The following ZMAT4 variants were observed in gnomAD, a reference collection of about 807,000 sequenced individuals.
The protein encoded by ZMAT4 is zinc finger matrin-type 4.
In ZMAT4, 17 loss-of-function variants were observed where a neutral mutation model predicts 28.7. That is an observed-to-expected ratio of 0.59 (90% CI 0.41 to 0.89). The LOEUF (loss-of-function observed/expected upper bound fraction) is 0.89, where lower values mean the gene tolerates loss of function less well. Ranked by LOEUF, ZMAT4 falls within the 40% of genes least tolerant of loss-of-function variation. The pLI is 0.00. For synonymous variants in ZMAT4, 117 were observed against 109.2 expected (o/e 1.07, Z -0.44); for missense variants, 240 against 283.8 (o/e 0.85, Z 1.11).
intron 1 of ZMAT4, among the ~76,000 whole-genome samples, chr8:40,834,000 C>T (rs1273825516): frequency 1.3e-5 from 2 of 152,236 alleles, no homozygotes; most frequent in Non-Finnish European, 2.9e-5. Flanking sequence ...ACTGCCTTCT[C>T]CTGCCTGGCG....
chr8:40,672,711 A>G (rs368824172), intron 5 of ZMAT4, among the ~76,000 whole-genome samples: 53 of 152,268 alleles, frequency 3.5e-4, no homozygotes, highest in Admixed American at 1.6e-3. Context: ...ATAAAGTCCT[A>G]TTTTTCTCCT....
At chr8:40,832,118 C>T (rs1450810288) in intron 1 of ZMAT4, among the ~76,000 whole-genome samples, 1 of 152,170 alleles carries the variant, frequency 6.6e-6, no homozygotes, top group Non-Finnish European at 1.5e-5. Flanking sequence ...GTCCTCAGCA[C>T]TGGGCATGCC....
At chr8:40,688,502 G>T (rs555962785) in intron 4 of ZMAT4, among the ~76,000 whole-genome samples, 2 of 152,014 alleles carry the variant, frequency 1.3e-5, no homozygotes, top group African/African-American at 2.4e-5. Flanking sequence ...AATAAACTTT[G>T]TTGGGCCCCT....
intron 2 of ZMAT4, among the ~76,000 whole-genome samples, chr8:40,774,267 AC>A (rs1813500235): frequency 6.6e-6 from 1 of 152,212 alleles, no homozygotes; most frequent in Non-Finnish European, 1.5e-5. Flanking sequence ...TAAAAGACTT[AC>A]AAAAAGAAAT....
chr8:40,871,615 G>C (rs747014618), intron 1 of ZMAT4, among the ~76,000 whole-genome samples: 1 of 152,196 alleles, frequency 6.6e-6, no homozygotes, highest in Admixed American at 6.5e-5. Context: ...TCCCAACCAG[G>C]ACATGGAGCA....
chr8:40,890,782 C>T (rs1818640568), intron 1 of ZMAT4, among the ~76,000 whole-genome samples: 1 of 152,126 alleles, frequency 6.6e-6, no homozygotes, highest in Non-Finnish European at 1.5e-5. Context: ...GCAGATTCAG[C>T]AACATCCACA....
In ZMAT4 at chr8:40,531,380, A is replaced by T. The variant is rs916281933; in HGVS notation, c.*843T>A. 6.7e-6 allele frequency: 1 copy of T among 148,760 alleles called. No individual in the cohort carries two copies. The highest frequency in any genetic ancestry group is 1.5e-5 in the Non-Finnish European group (1 of 66,230). The allele number at this position is 148,760 out of a possible 1,614,324, so 9.2% of individuals were successfully genotyped here. A position where few individuals can be genotyped will look rare whatever the true frequency, so the allele number is the denominator to read the frequency against. On this transcript the variant is annotated 3_prime_UTR_variant, in exon 7 of 7. Coordinates refer to ENST00000297737, the MANE Select transcript of ZMAT4 (RefSeq NM_024645.3). The stretch of plus-strand genomic sequence containing the variant: ...ATCCCCCAATTAAAGCCCACAGTTC[A>T]GGCCAAACATCATAAAAAAAAATAC...
intron 3 of ZMAT4, among the ~76,000 whole-genome samples, chr8:40,725,301 C>G (rs1360437484): frequency 1.3e-5 from 2 of 152,136 alleles, no homozygotes; most frequent in Non-Finnish European, 2.9e-5. Context: ...CTCCTCCATT[C>G]CCCAAAAGGC....
chr8:40,532,303 T>C, intron 6 of ZMAT4, 65 bp from the exon 7 acceptor site: 2 of 1,458,852 alleles, frequency 1.4e-6, no homozygotes, highest in Non-Finnish European at 1.9e-6. Context: ...CACCTCTTTC[T>C]CCCCCCCACC....
intron 5 of ZMAT4, among the ~76,000 whole-genome samples, chr8:40,586,518 G>C (rs1215354076): frequency 6.6e-6 from 1 of 152,180 alleles, no homozygotes; most frequent in East Asian, 1.9e-4. Flanking sequence ...ACAGGAGCTA[G>C]AGGAGAGGAG....
chr8:40,661,290 G>T (rs1808183209), intron 5 of ZMAT4, among the ~76,000 whole-genome samples: 1 of 152,158 alleles, frequency 6.6e-6, no homozygotes, highest in Admixed American at 6.5e-5. Context: ...TGTAGAAATG[G>T]GGTTTCACCA....
chr8:40,691,366 A>G lies in ZMAT4; in HGVS notation c.349+5879T>C, dbSNP rs1451072090. ...TAAATGGCAAAGTCACCAACAAAAG[A>G]CACAAAATGTGCAAAACACGTGACA... On this transcript the variant is annotated intron_variant, in intron 4 of 6. Transcript: ENST00000297737. Among the ~76,000 whole-genome samples the G allele has an allele frequency of 1.3e-5, 2 of 151,496 alleles. 1 individual carries two copies. The highest frequency in any genetic ancestry group is 6.4e-3 in the Middle Eastern group (2 of 314).
intron 2 of ZMAT4, among the ~76,000 whole-genome samples, chr8:40,821,678 CAA>C (rs906254518): frequency 8.5e-5 from 13 of 152,150 alleles, no homozygotes; most frequent in African/African-American, 3.1e-4. Context: ...CGTCTCACAG[CAA>C]AAGTCATACC....
intron 3 of ZMAT4, among the ~76,000 whole-genome samples, chr8:40,741,004 A>ACACACACACACACACACACG (rs1811979807): frequency 6.6e-6 from 1 of 152,020 alleles, no homozygotes; most frequent in East Asian, 1.9e-4. Context: ...ACACACACAC[A>ACACACACACACACACACACG]CACACACACA....
chr8:40,810,088 G>T (rs746700508), intron 2 of ZMAT4, among the ~76,000 whole-genome samples: 2 of 151,822 alleles, frequency 1.3e-5, no homozygotes, highest in Non-Finnish European at 2.9e-5. Context: ...ACACACACAT[G>T]CACAAACATG....
intron 1 of ZMAT4, among the ~76,000 whole-genome samples, chr8:40,875,489 C>T (rs886273420): frequency 1.1e-4 from 17 of 152,180 alleles, no homozygotes; most frequent in African/African-American, 3.6e-4. Flanking sequence ...CATATTGGTG[C>T]TTGCAGCCAC....
intron 1 of ZMAT4, among the ~76,000 whole-genome samples, chr8:40,895,383 C>T (rs1818832875): frequency 6.6e-6 from 1 of 152,246 alleles, no homozygotes; most frequent in Non-Finnish European, 1.5e-5. Context: ...TGGATCGCAG[C>T]AGAGGCGCTG....
chr8:40,882,604 G>GCCA (rs1818319321), intron 1 of ZMAT4, among the ~76,000 whole-genome samples: 1 of 152,090 alleles, frequency 6.6e-6, no homozygotes, highest in African/African-American at 2.4e-5. Context: ...CATGCCTGCT[G>GCCA]CCACCACCAC....
At chr8:40,610,232 A>C (rs1393294021) in intron 5 of ZMAT4, among the ~76,000 whole-genome samples, 1 of 152,248 alleles carries the variant, frequency 6.6e-6, no homozygotes. Flanking sequence ...TAGATAAATC[A>C]TTTGTAGAGA....
Sources: allele counts gnomAD v4.1 joint callset (sites outside exome capture counted in the v4.1 genomes callset), GRCh38; gene constraint gnomAD v4.1.1; transcripts MANE v1.5; gene names NCBI Gene and HGNC (gene_info 2026-07-23, HGNC 2026-07-21).